ACOT11: variants seen among roughly 807,000 people sequenced by gnomAD.
ACOT11 encodes acyl-coenzyme A thioesterase 11.
In ACOT11, 69 loss-of-function variants were observed where a neutral mutation model predicts 77.5. The observed-to-expected ratio is 0.89, with a 90% CI of 0.73 to 1.09. ACOT11 has a LOEUF of 1.09. Ranked by LOEUF, ACOT11 falls within the 50% of genes least tolerant of loss-of-function variation. ACOT11 has a pLI of 0.00. For synonymous variants in ACOT11, 279 were observed against 313.0 expected (o/e 0.89, Z 1.15); for missense variants, 766 against 813.7 (o/e 0.94, Z 0.71).
chr1:54,610,605 C>T, downstream of ACOT11: 1 of 1,587,432 alleles, frequency 6.3e-7, no homozygotes, highest in Non-Finnish European at 8.6e-7. Flanking sequence ...TCACAGAACA[C>T]CTTACCTGGT....
chr1:54,628,702 T>TA (rs1381249667), intron 15 of ACOT11, among the ~76,000 whole-genome samples: 1 of 131,872 alleles, frequency 7.6e-6, no homozygotes, highest in African/African-American at 2.6e-5. Context: ...GAATTTTATT[T>TA]AAAGTAGTTT....
chr1:54,548,488 G>A, intron 1 of ACOT11, 146 bp downstream of exon 1: 1 of 1,029,496 alleles, frequency 9.7e-7, no homozygotes, highest in Non-Finnish European at 1.4e-6. Flanking sequence ...AGGAGAAATC[G>A]CAGAACCCCT....
chr1:54,572,571 G>C (rs193054613), intron 1 of ACOT11, among the ~76,000 whole-genome samples: 66 of 150,920 alleles, frequency 4.4e-4, no homozygotes, highest in Admixed American at 2.2e-3. Flanking sequence ...CTCCCCTGAG[G>C]GGGGGGGTCA....
At chr1:54,594,786 C>A in intron 6 of ACOT11, 95 bp downstream of exon 6, 1 of 1,492,854 alleles carries the variant, frequency 6.7e-7, no homozygotes, top group Non-Finnish European at 9.0e-7. Context: ...GGAAGGGAGG[C>A]TCCGGGGACT....
intron 3 of ACOT11, among the ~76,000 whole-genome samples, chr1:54,590,537 G>A (rs1654674707): frequency 6.6e-6 from 1 of 150,828 alleles, no homozygotes; most frequent in Admixed American, 6.7e-5. Flanking sequence ...GAAGGAGGGA[G>A]AGGAGGAAAA....
downstream of ACOT11, chr1:54,610,781 G>A: frequency 2.0e-6 from 2 of 984,560 alleles, no homozygotes; most frequent in Non-Finnish European, 2.4e-6. Flanking sequence ...ATGGGACCAG[G>A]TCTGCCTGGC....
intron 1 of ACOT11, among the ~76,000 whole-genome samples, chr1:54,550,315 G>C (rs977532250): frequency 6.6e-6 from 1 of 152,184 alleles, no homozygotes. Flanking sequence ...GGGAGTGGAA[G>C]TTGGGCTCTT....
At chr1:54,555,361 A>G (rs1396223715) in intron 1 of ACOT11, among the ~76,000 whole-genome samples, 2 of 152,104 alleles carry the variant, frequency 1.3e-5, no homozygotes, top group South Asian at 4.1e-4. Context: ...CATTTTTTTC[A>G]TATACCTGGT....
intron 1 of ACOT11, among the ~76,000 whole-genome samples, chr1:54,565,345 G>A (rs550767697): frequency 1.3e-5 from 2 of 152,278 alleles, no homozygotes; most frequent in African/African-American, 4.8e-5. Flanking sequence ...GCAGAAGGTA[G>A]GAGTGCTGGG....
At chr1:54,619,150 G>A (rs749510892) in intron 15 of ACOT11, among the ~76,000 whole-genome samples, 2 of 152,140 alleles carry the variant, frequency 1.3e-5, no homozygotes, top group Admixed American at 1.3e-4. Context: ...TTGAGGGTGG[G>A]GCCAGCAGCC....
chr1:54,608,866 T>A, intron 15 of ACOT11, 91 bp from the exon 16 acceptor site: 1 of 1,301,580 alleles, frequency 7.7e-7, no homozygotes, highest in Non-Finnish European at 1.1e-6. Flanking sequence ...CAAGGCTGAC[T>A]CACCACCAGC....
intron 15 of ACOT11, among the ~76,000 whole-genome samples, chr1:54,617,709 ATTTTTTTTTTTTTT>A (rs56229276): frequency 0.045 from 2,524 of 55,944 alleles, 53 homozygotes; most frequent in Non-Finnish European, 0.057. Context: ...AGGGCCTGAG[ATTTTTTTTTTTTTT>A]TTTTTTTTTT....
At chr1:54,581,552 C>T (rs1569703058) in intron 1 of ACOT11, among the ~76,000 whole-genome samples, 1 of 152,180 alleles carries the variant, frequency 6.6e-6, no homozygotes, top group African/African-American at 2.4e-5. Flanking sequence ...ACACAGAGCC[C>T]ATGGTGTGGC....
intron 1 of ACOT11, among the ~76,000 whole-genome samples, chr1:54,552,221 G>C (rs1390719269): frequency 6.6e-6 from 1 of 152,174 alleles, no homozygotes; most frequent in East Asian, 1.9e-4. Flanking sequence ...CTGACAGTGA[G>C]AGGCAGGGTC....
intron 8 of ACOT11, among the ~76,000 whole-genome samples, chr1:54,600,566 C>T (rs989023266): frequency 2.0e-5 from 3 of 152,116 alleles, no homozygotes; most frequent in Non-Finnish European, 2.9e-5. Flanking sequence ...ACCTGTAATC[C>T]CAGCTACTCA....
chr1:54,581,940 A>G (rs1231618434), intron 1 of ACOT11, among the ~76,000 whole-genome samples: 1 of 152,132 alleles, frequency 6.6e-6, no homozygotes, highest in East Asian at 1.9e-4. Flanking sequence ...TTGGAGCCCA[A>G]GGAAGGAGTG....
chr1:54,607,524 C>T lies in ACOT11; in HGVS notation c.1502+259C>T, dbSNP rs530036517. Among the ~76,000 whole-genome samples the T allele has an allele frequency of 2.0e-5, 3 of 152,106 alleles. No individual in the cohort carries two copies. The highest frequency in any genetic ancestry group is 2.9e-5 in the Non-Finnish European group (2 of 68,004). ...TTACCCAGGGTGGCTCAGGCTGCCT[C>T]GATGCAGGCCTTGGGCAGGATATTT... On this transcript the variant is annotated intron_variant, in intron 14 of 15. Transcript: ENST00000343744. The surrounding 1 kb of genome is among the most constrained non-coding windows in gnomAD (Gnocchi z 4.5).
rs370353482 is a variant in ACOT11, at chr1:54,629,007, C to T, written c.1630-1727C>T. 4.2e-4 allele frequency among the ~76,000 whole-genome samples: 48 copies of T among 115,384 alleles called. 5 individuals carry two copies. The South Asian group carries it at 0.015, about 35-fold the overall frequency. 75.7% of individuals were successfully genotyped at this position (115,384 alleles called of 152,430 possible). A position where few individuals can be genotyped will look rare whatever the true frequency, so the allele number is the denominator to read the frequency against. The stretch of plus-strand genomic sequence containing the variant: ...CGGGGAGGCAGAGGTTGCAGTGAGC[C>T]GAGATTGTACTGCCGCACTCCAGCC... On this transcript the variant is annotated intron_variant, in intron 15 of 16. Transcript: ENST00000371316.
intron 15 of ACOT11, 136 bp from the exon 16 acceptor site, chr1:54,608,821 G>A (rs1174571243): frequency 3.6e-6 from 3 of 830,362 alleles, no homozygotes; most frequent in Non-Finnish European, 5.9e-6. Context: ...ACCCTGGGGA[G>A]TTGGGTTGAA....
Sources: allele counts gnomAD v4.1 joint callset (sites outside exome capture counted in the v4.1 genomes callset), GRCh38; gene constraint gnomAD v4.1.1; non-coding constraint Gnocchi (gnomAD v3.1); transcripts MANE v1.5; gene names NCBI Gene and HGNC (gene_info 2026-07-23, HGNC 2026-07-21).